CNTN5: variants seen among roughly 807,000 people sequenced by gnomAD.
CNTN5 encodes contactin 5.
CNTN5 carries 77 observed loss-of-function variants against 129.1 expected under a neutral mutation model. That is an observed-to-expected ratio of 0.60 (90% confidence interval 0.50 to 0.72). CNTN5 has a LOEUF of 0.72. CNTN5 is among the 30% of genes least tolerant of loss of function. The probability of loss-of-function intolerance (pLI) is 0.00; values close to 1 mark genes in which losing one functional copy is unlikely to be tolerated. For synonymous variants in CNTN5, 509 were observed against 465.6 expected (o/e 1.09, Z -1.20); for missense variants, 1,478 against 1,328.8 (o/e 1.11, Z -1.75).
At chr11:99,753,288 A>G (rs1018850001) in intron 3 of CNTN5, among the ~76,000 whole-genome samples, 2 of 150,958 alleles carry the variant, frequency 1.3e-5, no homozygotes, top group African/African-American at 2.4e-5. Flanking sequence ...ATGCCCGGCT[A>G]ATTTTTTGTA....
chr11:99,147,793 C>G lies in CNTN5; in HGVS notation c.-210+126523C>G, dbSNP rs530350097. Among the ~76,000 whole-genome samples the G allele has an allele frequency of 2.6e-5, 4 of 152,204 alleles. No individual in the cohort carries two copies. In the South Asian group the frequency reaches 8.3e-4, roughly 32 times the overall value. On this transcript the variant is annotated intron_variant, in intron 1 of 24. Transcript: ENST00000524871. ...CAGAATAAACTGTATTGATTAAAAA[C>G]TACAGAGACCTATTGTGTCATTTAT...
chr11:99,698,606 A>T (rs1205250132), intron 3 of CNTN5, among the ~76,000 whole-genome samples: 1 of 151,504 alleles, frequency 6.6e-6, no homozygotes, highest in Non-Finnish European at 1.5e-5. Context: ...TATATTTCCT[A>T]TACCAACTGT....
intron 4 of CNTN5, among the ~76,000 whole-genome samples, chr11:99,835,823 C>A (rs1014926379): frequency 6.6e-6 from 1 of 152,164 alleles, no homozygotes; most frequent in East Asian, 1.9e-4. Flanking sequence ...CCTGGAAATA[C>A]ATGCTAGCTA....
rs576858361 is a variant in CNTN5 at position 99,480,875 on chromosome 11, A to C, written c.-70-75270A>C. Among the ~76,000 whole-genome samples the C allele has an allele frequency of 2.0e-5, 3 of 152,250 alleles. No homozygotes were observed. The East Asian group carries it at 5.8e-4, about 29-fold the overall frequency. On this transcript the variant is annotated intron_variant, in intron 2 of 24. Coordinates refer to ENST00000524871, the MANE Select transcript of CNTN5 (RefSeq NM_014361.4). ...GCATCTTTTACCCTACTAAGTTCTAAAAGAATGTTCTATGGAAAGAAGAGG... is the reference window on the plus strand; with the variant it reads ...GCATCTTTTACCCTACTAAGTTCTACAAGAATGTTCTATGGAAAGAAGAGG...
At chr11:100,146,922 C>A (rs1201371201) in intron 13 of CNTN5, among the ~76,000 whole-genome samples, 1 of 152,136 alleles carries the variant, frequency 6.6e-6, no homozygotes. Context: ...ATACAGTCTC[C>A]ATTTTCATCA....
chr11:99,586,242 G>T (rs1949789467), intron 3 of CNTN5, among the ~76,000 whole-genome samples: 1 of 151,978 alleles, frequency 6.6e-6, no homozygotes, highest in South Asian at 2.1e-4. Flanking sequence ...CATCCCACAA[G>T]CTCAATCAAA....
chr11:100,044,794 T>C (rs1304543487), intron 9 of CNTN5, among the ~76,000 whole-genome samples: 5 of 152,240 alleles, frequency 3.3e-5, no homozygotes, highest in Non-Finnish European at 5.9e-5. Context: ...GTTCACGCTG[T>C]TGATTATTTC....
intron 1 of CNTN5, among the ~76,000 whole-genome samples, chr11:99,295,511 C>A (rs1442041263): frequency 6.6e-6 from 1 of 152,190 alleles, no homozygotes; most frequent in Non-Finnish European, 1.5e-5. Flanking sequence ...AAGAGCCTAA[C>A]AAATGATGTC....
intron 2 of CNTN5, among the ~76,000 whole-genome samples, chr11:99,552,384 A>G (rs1371562600): frequency 6.6e-6 from 1 of 152,128 alleles, no homozygotes; most frequent in African/African-American, 2.4e-5. Flanking sequence ...TTCCATGGAT[A>G]TGACATTCTA....
At chr11:99,620,037 A>AC (rs56662997) in intron 3 of CNTN5, among the ~76,000 whole-genome samples, 25 of 147,850 alleles carry the variant, frequency 1.7e-4, no homozygotes, top group African/African-American at 3.2e-4. Flanking sequence ...AAAAAAAAAA[A>AC]CAAAAAACAA....
chr11:99,343,780 G>T (rs1372789671), intron 2 of CNTN5, among the ~76,000 whole-genome samples: 3 of 152,018 alleles, frequency 2.0e-5, no homozygotes, highest in Non-Finnish European at 4.4e-5. Flanking sequence ...TACAAAAACA[G>T]CAGTTTCATA....
chr11:99,627,446 A>G (rs538228013), intron 3 of CNTN5, among the ~76,000 whole-genome samples: 1 of 113,114 alleles, frequency 8.8e-6, no homozygotes, highest in South Asian at 2.8e-4. Flanking sequence ...ATGGAAAAAT[A>G]TGGTTTTTAA....
chr11:100,068,761 G>A (rs1943790786), intron 10 of CNTN5, among the ~76,000 whole-genome samples: 1 of 152,188 alleles, frequency 6.6e-6, no homozygotes, highest in African/African-American at 2.4e-5. Context: ...ATCACAGAAT[G>A]TATTCCAAGG....
intron 2 of CNTN5, among the ~76,000 whole-genome samples, chr11:99,465,418 C>T (rs1231379459): frequency 1.3e-5 from 2 of 152,060 alleles, no homozygotes; most frequent in Non-Finnish European, 2.9e-5. Flanking sequence ...ATGCATTATA[C>T]ATATATTTAA....
intron 3 of CNTN5, among the ~76,000 whole-genome samples, chr11:99,769,772 C>T (rs902761469): frequency 6.6e-6 from 1 of 150,418 alleles, no homozygotes; most frequent in Non-Finnish European, 1.5e-5. Flanking sequence ...TTCAACATCT[C>T]GCCACTGCAC....
chr11:99,045,201 T>G (rs1033364142), intron 1 of CNTN5, among the ~76,000 whole-genome samples: 1 of 152,164 alleles, frequency 6.6e-6, no homozygotes, highest in Non-Finnish European at 1.5e-5. Flanking sequence ...AATCCCAGAG[T>G]GATACTTCCT....
chr11:99,709,025 T>G (rs1045659179), intron 3 of CNTN5, among the ~76,000 whole-genome samples: 1 of 151,842 alleles, frequency 6.6e-6, no homozygotes, highest in Non-Finnish European at 1.5e-5. Flanking sequence ...CGCAAAGCTG[T>G]TTTTGCCATC....
At chr11:100,061,171 A>G (rs1257531213) in intron 9 of CNTN5, 41 bp from the exon 10 acceptor site, 4 of 1,483,146 alleles carry the variant, frequency 2.7e-6, no homozygotes, top group African/African-American at 1.4e-5. Flanking sequence ...TGTTCCTAAC[A>G]GTGGAGAGTG....
intron 3 of CNTN5, among the ~76,000 whole-genome samples, chr11:99,714,245 A>C (rs932945679): frequency 6.6e-6 from 1 of 151,944 alleles, no homozygotes; most frequent in African/African-American, 2.4e-5. Flanking sequence ...TACCAAGTGG[A>C]AGCGTTATAT....
Sources: gnomAD v4.1 joint callset for allele counts (sites outside exome capture counted in the v4.1 genomes callset) on GRCh38, gnomAD v4.1.1 for gene constraint, MANE v1.5 for transcripts, NCBI Gene and HGNC (gene_info 2026-07-23, HGNC 2026-07-21) for gene names.